Variants in ABCC6 observed in about 807,000 individuals in gnomAD.
ABCC6 encodes ATP binding cassette subfamily C member 6, also known as ATP-binding cassette sub-family C member 6.
Under a neutral mutation model 169.5 loss-of-function variants are expected in ABCC6, and 126 were observed. The observed-to-expected ratio is 0.74, with a 90% CI of 0.64 to 0.86. ABCC6 has a LOEUF of 0.86. ABCC6 is among the 40% of genes least tolerant of loss of function. ABCC6 has a pLI of 0.00. For missense variants in ABCC6, 1,733 were observed against 1,927.2 expected, an observed-to-expected ratio of 0.90 and a Z score of 1.89; for synonymous variants, 752 against 814.7, an observed-to-expected ratio of 0.92 and a Z score of 1.31.
chr16:16,149,880 C>T lies in ABCC6; in HGVS notation c.*253G>A, dbSNP rs148226174. 1,779 of 587,790 alleles carry T rather than the reference C, an allele frequency of 3.0e-3. 23 individuals are homozygous for T. Among genetic ancestry groups the T allele is most frequent in the African/African-American group, 0.029 (1,556 of 54,516 alleles). 36.4% of individuals were successfully genotyped at this position (587,790 alleles called of 1,614,324 possible). Reference sequence around the variant, plus strand: ...TCCAGAGTACAGCGGGGCTGAGAGTCGCTGTTGACATTGGCTGCAGGGTGG... The same window carrying T: ...TCCAGAGTACAGCGGGGCTGAGAGTTGCTGTTGACATTGGCTGCAGGGTGG... On this transcript the variant is annotated 3_prime_UTR_variant, in exon 31 of 31. Transcript: ENST00000205557.
intron 10 of ABCC6, among the ~76,000 whole-genome samples, chr16:16,194,882 G>A (rs923263986): frequency 7.9e-5 from 12 of 152,050 alleles, no homozygotes; most frequent in Admixed American, 5.9e-4. Flanking sequence ...GTTTCACCAC[G>A]TTGCCCAGGC....
In ABCC6 at chr16:16,154,671, C is replaced by A; in HGVS notation, c.4165G>T (p.Gly1389Cys). Residue 1389 changes from glycine to cysteine, a missense_variant, in exon 29 of 31, where the codon GGC becomes TGC. Around this residue, in one of 5 missense-constraint regions of ABCC6, gnomAD observed 1,601 missense variants for 1,635.5 expected, o/e 0.98. Coordinates refer to ENST00000205557, the MANE Select transcript of ABCC6 (RefSeq NM_001171.6). ...TCAGCACACTTGTACTGCAGCTGGC[C>A]GGGCAGGCTGGCCACCAAGGCTTTG... ...QLKALVASLPGQLQYKCADRG... is the reference protein window; with the variant it reads ...QLKALVASLPCQLQYKCADRG... 1 of 1,613,076 alleles carries A rather than the reference C, an allele frequency of 6.2e-7. No individual in the cohort carries two copies. Among genetic ancestry groups the A allele is most frequent in the Non-Finnish European group, 8.5e-7 (1 of 1,179,980 alleles).
intron 24 of ABCC6, among the ~76,000 whole-genome samples, chr16:16,161,778 G>A (rs925406151): frequency 3.3e-5 from 5 of 152,132 alleles, no homozygotes; most frequent in African/African-American, 9.7e-5. Context: ...TCGGTGTTCT[G>A]AAGAGCATCC....
At chr16:16,184,746 G>A (rs774451652) in intron 15 of ABCC6, among the ~76,000 whole-genome samples, 2 of 152,050 alleles carry the variant, frequency 1.3e-5, no homozygotes, top group Non-Finnish European at 2.9e-5. Context: ...GTCCCCGTCT[G>A]CAGGAGATAC....
Position 16,221,673 on chromosome 16 carries a change from C to A in ABCC6, c.195G>T (p.Met65Ile). Residue 65 changes from methionine (M) to isoleucine (I), a missense_variant, in exon 2 of 31, where the codon ATG (methionine) becomes ATT (isoleucine). By Grantham distance (10) the Met-to-Ile change is conservative. Coordinates refer to ENST00000205557, the MANE Select transcript of ABCC6 (RefSeq NM_001171.6). ...IHHHGRGYLR[M>I]SPLFKAKMVL... ...CCATCTTGGCTTTGAAGAGTGGGGACATCCGGAGGTAGCCCCGGCCATGGT... is the reference window on the plus strand; with the variant it reads ...CCATCTTGGCTTTGAAGAGTGGGGAAATCCGGAGGTAGCCCCGGCCATGGT... 6.2e-7 allele frequency: 1 copy of A among 1,613,982 alleles called. No individual in the cohort carries two copies. Among genetic ancestry groups the A allele is most frequent in the Non-Finnish European group, 8.5e-7 (1 of 1,179,862 alleles).
chr16:16,154,768 CA>C lies in ABCC6; in HGVS notation c.4067del (p.Leu1356ArgfsTer3), dbSNP rs2046487172. 4 of 1,612,650 alleles carry C rather than the reference CA, an allele frequency of 2.5e-6. No individual in the cohort carries two copies. Among genetic ancestry groups the C allele is most frequent in the Non-Finnish European group, 3.4e-6 (4 of 1,179,506 alleles). ...PQDPILFPGSLRMNLDLLQEH... is the reference protein window; with the variant it reads ...PQDPILFPGSXRMNLDLLQEH... Reference sequence around the variant, plus strand: ...CCTGCAGCAGGTCGAGGTTCATCCGCAGAGAGCCAGGGAACAGGATGGGGTC... The same window carrying C: ...CCTGCAGCAGGTCGAGGTTCATCCGCGAGAGCCAGGGAACAGGATGGGGTC... On this transcript the variant is annotated frameshift_variant, in exon 29 of 31. Coordinates refer to ENST00000205557, the MANE Select transcript of ABCC6 (RefSeq NM_001171.6). LOFTEE classifies it high-confidence loss of function.
At chr16:16,197,194 G>A (rs1267416155) in intron 10 of ABCC6, among the ~76,000 whole-genome samples, 1 of 152,032 alleles carries the variant, frequency 6.6e-6, no homozygotes, top group Non-Finnish European at 1.5e-5. Flanking sequence ...GTGCCTCAGG[G>A]TTACTGGTAA....
At chr16:16,202,944 C>G (rs1443512588) in intron 8 of ABCC6, among the ~76,000 whole-genome samples, 2 of 152,068 alleles carry the variant, frequency 1.3e-5, no homozygotes, top group African/African-American at 2.4e-5. Flanking sequence ...TTCTTAGAAC[C>G]CTCCCAAGCA....
At position 16,149,905 on chromosome 16, in the gene ABCC6, G is replaced by T; in HGVS notation, c.*228C>A. 1 of 643,726 alleles carries T rather than the reference G, an allele frequency of 1.6e-6. No homozygotes were observed. Among genetic ancestry groups the T allele is most frequent in the Non-Finnish European group, 2.7e-6 (1 of 365,686 alleles). 39.9% of individuals were successfully genotyped at this position (643,726 alleles called of 1,614,324 possible). A position where few individuals can be genotyped will look rare whatever the true frequency, so the allele number is the denominator to read the frequency against. Reference sequence around the variant, plus strand: ...CGCTGTTGACATTGGCTGCAGGGTGGACAGGGCGAGATGGGCCCTGCCCGG... The same window carrying T: ...CGCTGTTGACATTGGCTGCAGGGTGTACAGGGCGAGATGGGCCCTGCCCGG... On this transcript the variant is annotated 3_prime_UTR_variant, in exon 31 of 31. Coordinates refer to ENST00000205557, the MANE Select transcript of ABCC6 (RefSeq NM_001171.6).
chr16:16,217,192 G>A (rs2048908046), intron 4 of ABCC6, among the ~76,000 whole-genome samples: 1 of 152,112 alleles, frequency 6.6e-6, no homozygotes, highest in Non-Finnish European at 1.5e-5. Flanking sequence ...GTTTTTGTTT[G>A]TTTGTTTGTT....
intron 26 of ABCC6, among the ~76,000 whole-genome samples, chr16:16,158,603 CATT>C (rs1308987247): frequency 6.6e-6 from 1 of 152,208 alleles, no homozygotes; most frequent in Non-Finnish European, 1.5e-5. Flanking sequence ...ATTGCTAACA[CATT>C]ATATCATGTT....
chr16:16,168,526 C>T (rs1306029624), intron 22 of ABCC6, among the ~76,000 whole-genome samples: 1 of 152,036 alleles, frequency 6.6e-6, no homozygotes, highest in Non-Finnish European at 1.5e-5. Flanking sequence ...GCCAAACTCA[C>T]ATGTGCACTC....
At position 16,178,851 on chromosome 16, in the gene ABCC6, C is replaced by T. The variant is rs2047376259; in HGVS notation, c.2362G>A (p.Gly788Ser). The T allele has an allele frequency of 6.2e-7, 1 of 1,613,776 alleles. No individual in the cohort carries two copies. The highest frequency in any genetic ancestry group is 8.5e-7 in the Non-Finnish European group (1 of 1,180,046). ...ATGACCTGGTTGAAGACATGCTGGC[C>T]AACGTGGGCATCCAGGGCCGCCAGG... ...DPLAALDAHVGQHVFNQVIGP... is the reference protein window; with the variant it reads ...DPLAALDAHVSQHVFNQVIGP... Residue 788 changes from glycine (G) to serine (S), a missense_variant, in exon 18 of 31, where the codon GGC (glycine) becomes AGC (serine). By Grantham distance (56) the Gly-to-Ser change is moderately conservative (BLOSUM62 0). Around this residue, in one of 5 missense-constraint regions of ABCC6, gnomAD observed 1,601 missense variants for 1,635.5 expected, o/e 0.98. Coordinates refer to ENST00000205557, the MANE Select transcript of ABCC6 (RefSeq NM_001171.6).
intron 25 of ABCC6, 117 bp downstream of exon 25, chr16:16,161,321 G>A (rs2046708851): frequency 1.4e-6 from 2 of 1,475,260 alleles, no homozygotes; most frequent in Admixed American, 1.9e-5. Flanking sequence ...CTTGGTGGAG[G>A]GACTCCACAC....
chr16:16,172,098 G>C (rs1409719452), intron 21 of ABCC6, among the ~76,000 whole-genome samples: 13 of 142,388 alleles, frequency 9.1e-5, no homozygotes, highest in East Asian at 2.2e-4. Context: ...GGGTGGGATG[G>C]CTAAATGAGT....
At position 16,182,852 on chromosome 16, in the gene ABCC6, G is replaced by A. The variant is rs747622924; in HGVS notation, c.2022C>T (p.Ser674=). ...CCTTTGACAGCTCCCCAAGGAGGGC[G>A]GACAGCAGGGAGGACTTCCCTGCCC... ...PVGAGKSSLL[S]ALLGELSKVE... Residue 674 remains serine, a synonymous_variant, in exon 16 of 31, where the codon TCC becomes TCT. Coordinates refer to ENST00000205557, the MANE Select transcript of ABCC6 (RefSeq NM_001171.6). The A allele has an allele frequency of 1.2e-5, 19 of 1,613,942 alleles. No individual in the cohort carries two copies. Among genetic ancestry groups the A allele is most frequent in the African/African-American group, 8.0e-5 (6 of 74,898 alleles).
Position 16,169,805 on chromosome 16 carries a change from G to T in ABCC6, c.2836C>A (p.Leu946Ile), listed in dbSNP as rs61340537. Residue 946 changes from leucine (L) to isoleucine (I), a missense_variant, in exon 22 of 31, where the codon CTC (leucine) becomes ATC (isoleucine). By Grantham distance (5) the Leu-to-Ile change is conservative (BLOSUM62 2). Transcript: ENST00000205557. ...AAGAGGAAGAGTGCGTAGAGGCAGA[G>T]GGGGGTGCCCACGGCACGCAGGTAG... ...LAYLRAVGTP[L>I]CLYALFLFLC... is the part of the protein sequence containing the mutation. 0.017 allele frequency: 27,447 copies of T among 1,572,782 alleles called. 306 individuals carry two copies. Among genetic ancestry groups the T allele is most frequent in the South Asian group, 0.022 (1,896 of 86,138 alleles).
chr16:16,190,126 C>T, intron 12 of ABCC6, 38 bp downstream of exon 12: 3 of 1,609,518 alleles, frequency 1.9e-6, no homozygotes, highest in Non-Finnish European at 1.7e-6. Flanking sequence ...GCACTCCTTC[C>T]CCAGTGCTGC....
rs56822940 is a variant in ABCC6, at chr16:16,159,426, GC to G, written c.3735+55del. The G allele has an allele frequency of 0.99, 1,345,002 of 1,355,800 alleles. 667,360 individuals carry two copies. Among genetic ancestry groups the G allele is most frequent in the South Asian group, 1 (84,955 of 85,064 alleles). The allele number at this position is 1,355,800 out of a possible 1,614,324, so 84.0% of individuals were successfully genotyped here. A position where few individuals can be genotyped will look rare whatever the true frequency, so the allele number is the denominator to read the frequency against. ...TAGCAGATGTCAACAGGGACCCATT[GC>G]CCCCCCCCACAATATGTCCTTGCTG... On this transcript the variant is annotated intron_variant, in intron 26 of 30. Coordinates refer to ENST00000205557, the MANE Select transcript of ABCC6 (RefSeq NM_001171.6).
Sources: gnomAD v4.1 joint callset for allele counts (sites outside exome capture counted in the v4.1 genomes callset) on GRCh38, gnomAD v4.1.1 for gene constraint, gnomAD v4.1.1 regional missense constraint, MANE v1.5 for transcripts, NCBI Gene and HGNC (gene_info 2026-07-23, HGNC 2026-07-21) for gene names.